Variants in EGF observed in about 807,000 individuals in gnomAD.
EGF encodes epidermal growth factor, also known as pro-epidermal growth factor.
EGF carries 95 observed loss-of-function variants against 143.8 expected under a neutral mutation model. The observed-to-expected ratio is 0.66, with a 90% CI of 0.56 to 0.78. The LOEUF is 0.78. Among genes scored for constraint, EGF ranks in the 30% least tolerant of loss-of-function variants. The pLI, the probability that EGF is intolerant of heterozygous loss-of-function variation, is 0.00. For synonymous variants in EGF, 510 were observed against 510.5 expected (o/e 1.00, Z 0.01); for missense variants, 1,320 against 1,470.9 (o/e 0.90, Z 1.68).
Position 110,011,559 on chromosome 4 carries a change from C to G in EGF, c.*104C>G, listed in dbSNP as rs1022712151. ...ACTATAGGTTTTGGTTCCACAATCT[C>G]TACGACTAATCACCTACTCAATGCC... On this transcript the variant is annotated 3_prime_UTR_variant, in exon 24 of 24. Coordinates refer to ENST00000265171, the MANE Select transcript of EGF (RefSeq NM_001963.6). 5 of 1,557,296 alleles carry G rather than the reference C, an allele frequency of 3.2e-6. No homozygotes were observed. Among genetic ancestry groups the G allele is most frequent in the South Asian group, 1.1e-5 (1 of 88,312 alleles).
At position 109,913,192 on chromosome 4, in the gene EGF, G is replaced by A; in HGVS notation, c.-144G>A. 1 of 959,908 alleles carries A rather than the reference G, an allele frequency of 1.0e-6. No homozygotes were observed. The highest frequency in any genetic ancestry group is 1.4e-5 in the South Asian group (1 of 72,456). The allele number at this position is 959,908 out of a possible 1,614,324, so 59.5% of individuals were successfully genotyped here. ...TGAAGAAAGAGCTTGGAGGACAACA[G>A]CACAACAGGAGAGTAAAAGATGCCC... is the stretch of plus-strand genomic sequence containing the variant. On this transcript the variant is annotated 5_prime_UTR_variant, in exon 1 of 24. Transcript: ENST00000265171.
At chr4:109,914,314 G>A (rs968577350) in intron 1 of EGF, among the ~76,000 whole-genome samples, 1 of 152,162 alleles carries the variant, frequency 6.6e-6, no homozygotes, top group East Asian at 1.9e-4. Context: ...TTATCAGCTT[G>A]CCCTTTTGAG....
At chr4:110,009,091 T>C (rs1034435962) in intron 23 of EGF, among the ~76,000 whole-genome samples, 1 of 152,230 alleles carries the variant, frequency 6.6e-6, no homozygotes, top group African/African-American at 2.4e-5. Context: ...GGAAAGAACA[T>C]AGGCTTCTTG....
chr4:109,925,336 A>G (rs538257004), intron 1 of EGF, among the ~76,000 whole-genome samples: 1 of 152,374 alleles, frequency 6.6e-6, no homozygotes, highest in South Asian at 2.1e-4. Flanking sequence ...GAATGGAAGT[A>G]AAGGTGTTTC....
At position 109,935,155 on chromosome 4, in the gene EGF, A is replaced by G. The variant is rs561552203; in HGVS notation, c.128-5791A>G. On this transcript the variant is annotated intron_variant, in intron 1 of 23. Transcript: ENST00000265171. ...TGAATTTATAAATTACTTTGGCAGT[A>G]TGGCCATTTTCACGATATTGATTCT... Among the ~76,000 whole-genome samples the G allele has an allele frequency of 4.0e-3, 605 of 152,292 alleles. 1 individual carries two copies. The highest frequency in any genetic ancestry group is 5.1e-3 in the Non-Finnish European group (345 of 68,008).
chr4:109,968,094 C>G (rs1228904674), intron 10 of EGF, among the ~76,000 whole-genome samples: 1 of 152,104 alleles, frequency 6.6e-6, no homozygotes, highest in Non-Finnish European at 1.5e-5. Context: ...AAAGTAATTT[C>G]ACTATGACAT....
Position 109,980,734 on chromosome 4 carries a change from T to A in EGF, c.2222-92T>A, listed in dbSNP as rs1749227990. 4.2e-6 allele frequency: 6 copies of A among 1,432,702 alleles called. No individual in the cohort carries two copies. In the Admixed American group the frequency reaches 1.0e-4, roughly 24 times the overall value. The allele number at this position is 1,432,702 out of a possible 1,614,324, so 88.7% of individuals were successfully genotyped here. ...ACACTGCATTTCTCTCCCTAAAAGCTATAGCTCCCTAAAAGCAAGCTGTAG... is the reference window on the plus strand; with the variant it reads ...ACACTGCATTTCTCTCCCTAAAAGCAATAGCTCCCTAAAAGCAAGCTGTAG... On this transcript the variant is annotated intron_variant, in intron 14 of 23. Coordinates refer to ENST00000265171, the MANE Select transcript of EGF (RefSeq NM_001963.6).
At chr4:109,984,094 G>A (rs563286797) in intron 16 of EGF, among the ~76,000 whole-genome samples, 1 of 152,312 alleles carries the variant, frequency 6.6e-6, no homozygotes, top group Admixed American at 6.5e-5. Flanking sequence ...TAGGAGGTCA[G>A]TGGTTTTTCC....
chr4:109,955,503 G>C (rs548618183), intron 5 of EGF, among the ~76,000 whole-genome samples: 1 of 152,168 alleles, frequency 6.6e-6, no homozygotes, highest in African/African-American at 2.4e-5. Flanking sequence ...TTCAGGTCAC[G>C]TCATCAGCAC....
intron 5 of EGF, among the ~76,000 whole-genome samples, chr4:109,956,788 G>A (rs1186590517): frequency 6.6e-6 from 1 of 152,152 alleles, no homozygotes; most frequent in Non-Finnish European, 1.5e-5. Flanking sequence ...GTTGAAAGTT[G>A]ACAAGACTGA....
At chr4:109,997,256 G>C (rs955343905) in intron 20 of EGF, among the ~76,000 whole-genome samples, 2 of 151,968 alleles carry the variant, frequency 1.3e-5, no homozygotes, top group Non-Finnish European at 2.9e-5. Context: ...TCAAGTGCAG[G>C]GTCTACAGAA....
intron 11 of EGF, among the ~76,000 whole-genome samples, chr4:109,971,255 T>A (rs1190885545): frequency 2.0e-5 from 3 of 152,212 alleles, no homozygotes; most frequent in Non-Finnish European, 4.4e-5. Flanking sequence ...TAACATATGG[T>A]TGACTCAGAG....
intron 11 of EGF, among the ~76,000 whole-genome samples, chr4:109,969,787 T>C (rs1352791925): frequency 6.6e-6 from 1 of 152,152 alleles, no homozygotes; most frequent in Non-Finnish European, 1.5e-5. Context: ...AGTCGGTTCT[T>C]AGTTTAGCTG....
At chr4:109,918,500 G>A (rs999391003) in intron 1 of EGF, among the ~76,000 whole-genome samples, 1 of 152,170 alleles carries the variant, frequency 6.6e-6, no homozygotes, top group South Asian at 2.1e-4. Flanking sequence ...TATGTTCCAG[G>A]AAACCCAATG....
intron 23 of EGF, 117 bp from the exon 24 acceptor site, chr4:110,011,085 G>T: frequency 8.3e-7 from 1 of 1,206,304 alleles, no homozygotes; most frequent in Non-Finnish European, 1.2e-6. Flanking sequence ...GTTTGAAAAT[G>T]GGTTATCTTT....
chr4:109,983,410 G>T lies in EGF; in HGVS notation c.2372-12G>T. On this transcript the variant is annotated splice_polypyrimidine_tract_variant and intron_variant, in intron 15 of 23. Coordinates refer to ENST00000265171, the MANE Select transcript of EGF (RefSeq NM_001963.6). ...AAAGCTAAATTTAATTGCATCTATTGACCTTCAATAGGTGGTGAAGTTGAT... is the reference window on the plus strand; with the variant it reads ...AAAGCTAAATTTAATTGCATCTATTTACCTTCAATAGGTGGTGAAGTTGAT... 6.2e-7 allele frequency: 1 copy of T among 1,612,822 alleles called. No individual in the cohort carries two copies. Among genetic ancestry groups the T allele is most frequent in the South Asian group, 1.1e-5 (1 of 90,906 alleles).
chr4:109,966,654 C>T (rs995042099), intron 10 of EGF, among the ~76,000 whole-genome samples: 3 of 152,102 alleles, frequency 2.0e-5, no homozygotes, highest in African/African-American at 4.8e-5. Context: ...TACATTCCCA[C>T]CAGCAATGTA....
intron 5 of EGF, among the ~76,000 whole-genome samples, chr4:109,945,748 G>A (rs920396400): frequency 6.6e-6 from 1 of 152,156 alleles, no homozygotes; most frequent in Non-Finnish European, 1.5e-5. Context: ...TGACAAGACA[G>A]AGGAAAAGGA....
intron 1 of EGF, among the ~76,000 whole-genome samples, chr4:109,920,041 A>G (rs1042790041): frequency 6.6e-6 from 1 of 151,686 alleles, no homozygotes; most frequent in African/African-American, 2.4e-5. Flanking sequence ...GTTGATGCAT[A>G]GGTTTCATTT....
Sources: allele counts gnomAD v4.1 joint callset (sites outside exome capture counted in the v4.1 genomes callset), GRCh38; gene constraint gnomAD v4.1.1; transcripts MANE v1.5; gene names NCBI Gene and HGNC (gene_info 2026-07-23, HGNC 2026-07-21).